LNX2: variants seen among roughly 807,000 people sequenced by gnomAD.
LNX2 encodes the protein ligand of Numb protein X 2.
LNX2 carries 35 observed loss-of-function variants against 66.2 expected under a neutral mutation model. The observed-to-expected ratio is 0.53, with a 90% CI of 0.40 to 0.70. LNX2 has a LOEUF of 0.70. Ranked by LOEUF, LNX2 falls within the 30% of genes least tolerant of loss-of-function variation. The pLI is 0.00. For synonymous variants in LNX2, 337 were observed against 315.6 expected, an observed-to-expected ratio of 1.07 and a Z score of -0.72; for missense variants, 791 against 850.8, an observed-to-expected ratio of 0.93 and a Z score of 0.87.
At chr13:27,584,200 C>T (rs749907699) in intron 1 of LNX2, among the ~76,000 whole-genome samples, 2 of 152,142 alleles carry the variant, frequency 1.3e-5, no homozygotes, top group Non-Finnish European at 2.9e-5. Flanking sequence ...CAAAATTCTC[C>T]AATCACGTAT....
intron 9 of LNX2, among the ~76,000 whole-genome samples, chr13:27,549,693 C>T (rs1053967609): frequency 2.6e-5 from 4 of 152,146 alleles, no homozygotes; most frequent in African/African-American, 9.7e-5. Context: ...CACTTAGCAC[C>T]GCGCCAGGCA....
chr13:27,620,239 G>A (rs563565617), intron 1 of LNX2, 136 bp downstream of exon 1: 2 of 152,206 alleles, frequency 1.3e-5, no homozygotes, highest in South Asian at 2.1e-4. Flanking sequence ...AAGGCTCCGG[G>A]GCGAGCTGTG....
At chr13:27,620,991 G>A (rs2232664), upstream of LNX2, 403 of 153,180 alleles carry the variant, frequency 2.6e-3, no homozygotes, top group Middle Eastern at 6.7e-3. Flanking sequence ...GGCAGGGTCG[G>A]GGCCAGCGGC....
chr13:27,578,100 G>A (rs984806566), intron 2 of LNX2, among the ~76,000 whole-genome samples: 13 of 152,260 alleles, frequency 8.5e-5, no homozygotes, highest in African/African-American at 3.1e-4. Context: ...ATCTGTAGGA[G>A]AAAAATGTTT....
chr13:27,591,006 GT>G (rs1208900104), intron 1 of LNX2, among the ~76,000 whole-genome samples: 2 of 151,760 alleles, frequency 1.3e-5, no homozygotes, highest in Non-Finnish European at 2.9e-5. Context: ...ATATATATGT[GT>G]GTGTACACAC....
intron 1 of LNX2, among the ~76,000 whole-genome samples, chr13:27,618,593 A>C (rs540834567): frequency 7.2e-5 from 11 of 152,352 alleles, no homozygotes; most frequent in African/African-American, 2.6e-4. Flanking sequence ...GACTGGATAA[A>C]GTCCAAATTT....
intron 1 of LNX2, among the ~76,000 whole-genome samples, chr13:27,603,318 C>T (rs890197132): frequency 2.0e-5 from 3 of 152,164 alleles, no homozygotes; most frequent in African/African-American, 7.2e-5. Flanking sequence ...ATAACTCCAT[C>T]TTGGAACTAC....
In LNX2 at chr13:27,569,238, C is replaced by G; in HGVS notation, c.446G>C (p.Arg149Thr). 1 of 1,613,390 alleles carries G rather than the reference C, an allele frequency of 6.2e-7. No homozygotes were observed. The highest frequency in any genetic ancestry group is 8.5e-7 in the Non-Finnish European group (1 of 1,179,688). Residue 149 changes from arginine to threonine, a missense_variant, in exon 3 of 10, where the codon AGA (arginine) becomes ACA (threonine). Transcript: ENST00000316334. The part of the protein sequence containing the change: ...GASHRRVALE[R>T]RKTSRTQAEI... ...TGCTTGAGTTCTACTAGTTTTCCTTCTCTCCAGGGCAACTCTCCGATGAGA... is the reference window on the plus strand; with the variant it reads ...TGCTTGAGTTCTACTAGTTTTCCTTGTCTCCAGGGCAACTCTCCGATGAGA...
At chr13:27,586,417 G>C (rs183874843) in intron 1 of LNX2, among the ~76,000 whole-genome samples, 1 of 152,142 alleles carries the variant, frequency 6.6e-6, no homozygotes, top group African/African-American at 2.4e-5. Flanking sequence ...TCTTCTCCCA[G>C]CTCAGGCAGA....
At chr13:27,564,294 A>G (rs953347846) in intron 4 of LNX2, among the ~76,000 whole-genome samples, 2 of 152,226 alleles carry the variant, frequency 1.3e-5, no homozygotes, top group Admixed American at 6.5e-5. Context: ...GCAGAAACCA[A>G]ATAAAATATT....
At chr13:27,574,313 G>T (rs371692725) in intron 2 of LNX2, among the ~76,000 whole-genome samples, 1 of 152,128 alleles carries the variant, frequency 6.6e-6, no homozygotes, top group African/African-American at 2.4e-5. Flanking sequence ...GTTTGGTGGC[G>T]CATGCCTGTA....
intron 1 of LNX2, among the ~76,000 whole-genome samples, chr13:27,603,128 TTTTC>T (rs1393237232): frequency 1.3e-5 from 2 of 152,200 alleles, no homozygotes; most frequent in Non-Finnish European, 2.9e-5. Context: ...AAATACTAAC[TTTTC>T]TTTCTGTTTA....
chr13:27,573,797 C>G (rs970694551), intron 2 of LNX2, among the ~76,000 whole-genome samples: 2 of 151,926 alleles, frequency 1.3e-5, no homozygotes, highest in Non-Finnish European at 2.9e-5. Context: ...CAAACAACAA[C>G]AATAACAAGT....
chr13:27,558,506 A>T (rs536269096), intron 6 of LNX2, among the ~76,000 whole-genome samples: 11 of 152,218 alleles, frequency 7.2e-5, no homozygotes, highest in African/African-American at 2.6e-4. Flanking sequence ...CTCTCTTAAA[A>T]CTATAATGTT....
Position 27,559,931 on chromosome 13 carries a change from C to G in LNX2, c.1279G>C (p.Gly427Arg), listed in dbSNP as rs532420763. The change falls in exon 6 of 10, where the codon GGT becomes CGT. Residue 427 changes from glycine to arginine, a missense_variant. Coordinates refer to ENST00000316334, the MANE Select transcript of LNX2 (RefSeq NM_153371.4). ...TTTCCTGCTTCTCTAATGGTGTTACCAGGCTGGGGTTTCCCTGGTCTAGCA... is the reference window on the plus strand; with the variant it reads ...TTTCCTGCTTCTCTAATGGTGTTACGAGGCTGGGGTTTCCCTGGTCTAGCA... ...TIARPGKPQP[G>R]NTIREAGNHS... 9.6e-5 allele frequency: 155 copies of G among 1,611,246 alleles called. 2 individuals are homozygous for G. In the South Asian group the frequency reaches 1.6e-3, roughly 17 times the overall value.
intron 7 of LNX2, among the ~76,000 whole-genome samples, chr13:27,555,833 T>C (rs1488263491): frequency 6.6e-6 from 1 of 152,216 alleles, no homozygotes; most frequent in Admixed American, 6.5e-5. Context: ...AAATGGCAAA[T>C]GCATTTATCC....
At chr13:27,580,765 T>A (rs941478679) in intron 2 of LNX2, among the ~76,000 whole-genome samples, 1 of 152,138 alleles carries the variant, frequency 6.6e-6, no homozygotes, top group Admixed American at 6.5e-5. Context: ...GCAACAAAAT[T>A]ATCGTTTTTA....
intron 4 of LNX2, among the ~76,000 whole-genome samples, chr13:27,564,047 C>G (rs61016473): frequency 0.022 from 3,392 of 152,234 alleles, 139 homozygotes; most frequent in African/African-American, 0.077. Context: ...TTAGTCAAAC[C>G]ACCATTTCCA....
chr13:27,567,884 A>G, intron 3 of LNX2, 45 bp from the exon 4 acceptor site: 1 of 1,499,296 alleles, frequency 6.7e-7, no homozygotes, highest in Non-Finnish European at 9.3e-7. Flanking sequence ...TGTTAAAAAA[A>G]TAAACAAACC....
Sources: allele counts gnomAD v4.1 joint callset (sites outside exome capture counted in the v4.1 genomes callset), GRCh38; gene constraint gnomAD v4.1.1; transcripts MANE v1.5; gene names NCBI Gene and HGNC (gene_info 2026-07-23, HGNC 2026-07-21).